MRTFB: variants seen among roughly 807,000 people sequenced by gnomAD.
MRTFB encodes the protein myocardin-related transcription factor B.
In MRTFB, 29 loss-of-function variants were observed where a neutral mutation model predicts 104.2. That is an observed-to-expected ratio of 0.28 (90% confidence interval 0.21 to 0.38). The LOEUF (loss-of-function observed/expected upper bound fraction) is 0.38, where lower values mean the gene tolerates loss of function less well. Ranked by LOEUF, MRTFB falls within the 10% of genes least tolerant of loss-of-function variation. The probability of loss-of-function intolerance (pLI) is 1.00; values close to 1 mark genes in which losing one functional copy is unlikely to be tolerated. For missense variants in MRTFB, 1,270 were observed against 1,341.6 expected (o/e 0.95, Z 0.83); for synonymous variants, 535 against 519.5 (o/e 1.03, Z -0.41).
chr16:14,189,467 T>C (rs1013201394), intron 3 of MRTFB, among the ~76,000 whole-genome samples: 14 of 152,248 alleles, frequency 9.2e-5, no homozygotes, highest in Non-Finnish European at 2.1e-4. Flanking sequence ...AATGTTTTAC[T>C]CTAAAATACC....
intron 8 of MRTFB, among the ~76,000 whole-genome samples, chr16:14,233,469 C>G (rs1249500570): frequency 6.6e-6 from 1 of 151,958 alleles, no homozygotes; most frequent in African/African-American, 2.4e-5. Flanking sequence ...GTCAGCATGA[C>G]CTGTATAGCA....
chr16:14,057,095 C>T, the MRTFB span, among the ~76,000 whole-genome samples: 1 of 152,136 alleles, frequency 6.6e-6, no homozygotes, highest in Non-Finnish European at 1.5e-5. Flanking sequence ...ACATCACGGT[C>T]CTTCCTACTG....
At chr16:14,200,308 G>A (rs900461779) in intron 3 of MRTFB, 2 of 1,605,356 alleles carry the variant, frequency 1.2e-6, no homozygotes, top group Non-Finnish European at 1.7e-6. Context: ...GGACCCGTAC[G>A]CTGCTGCGCT....
chr16:14,199,819 G>C (rs958904095), intron 3 of MRTFB, among the ~76,000 whole-genome samples: 1 of 152,146 alleles, frequency 6.6e-6, no homozygotes, highest in African/African-American at 2.4e-5. Flanking sequence ...TGAAAACCAC[G>C]GTAAATATTT....
At chr16:14,256,543 A>T (rs1409398388) in intron 15 of MRTFB, among the ~76,000 whole-genome samples, 1 of 152,190 alleles carries the variant, frequency 6.6e-6, no homozygotes, top group African/African-American at 2.4e-5. Context: ...GCCAGCTGTC[A>T]TGCCATGTGG....
intron 3 of MRTFB, among the ~76,000 whole-genome samples, chr16:14,168,169 T>C (rs1338204868): frequency 6.6e-6 from 1 of 152,126 alleles, no homozygotes; most frequent in Admixed American, 6.5e-5. Flanking sequence ...TACTTCTGAG[T>C]TCTGTATTCT....
chr16:14,246,602 G>A lies in MRTFB; in HGVS notation c.1342G>A (p.Ala448Thr), dbSNP rs2043025657. ...CGGCCTTGCTGCTGGGGGCATCGTG[G>A]CAGTGTCATCATCAGCCATTGTCAC... Reference protein sequence around the residue: ...SSGLAAGGIVAVSSSAIVTSN... With the variant: ...SSGLAAGGIVTVSSSAIVTSN... The change falls in exon 12 of 17, where the codon GCA becomes ACA. Residue 448 changes from alanine to threonine, a missense_variant. By Grantham distance (58) the Ala-to-Thr change is moderately conservative (BLOSUM62 0). Coordinates refer to ENST00000571589, the MANE Select transcript of MRTFB (RefSeq NM_001308142.2). 1 of 1,614,096 alleles carries A rather than the reference G, an allele frequency of 6.2e-7. No individual in the cohort carries two copies.
chr16:14,046,908 C>T, the MRTFB span, among the ~76,000 whole-genome samples: 1 of 152,190 alleles, frequency 6.6e-6, no homozygotes, highest in Non-Finnish European at 1.5e-5. Flanking sequence ...TACATATTGA[C>T]TCATTTAATC....
intron 2 of MRTFB, among the ~76,000 whole-genome samples, chr16:14,136,260 C>T (rs543415320): frequency 6.6e-6 from 1 of 151,088 alleles, no homozygotes; most frequent in South Asian, 2.1e-4. Flanking sequence ...GGTGACAGAG[C>T]GAGACTCTGT....
At chr16:14,124,187 A>C (rs955356553) in intron 2 of MRTFB, among the ~76,000 whole-genome samples, 1 of 152,182 alleles carries the variant, frequency 6.6e-6, no homozygotes, top group Non-Finnish European at 1.5e-5. Context: ...GGTTTTCTAA[A>C]TATATAATCA....
In MRTFB at chr16:14,232,287, C is replaced by G. The variant is rs531146897; in HGVS notation, c.694-1859C>G. ...AGGAATGTTTTCCCCTCTGTGAACA[C>G]TGACCCAGAGATAAGTATCCCCATT... On this transcript the variant is annotated intron_variant, in intron 8 of 16. Transcript: ENST00000571589. Among the ~76,000 whole-genome samples, 3 of 152,294 alleles carry G rather than the reference C, an allele frequency of 2.0e-5. No homozygotes were observed. In the East Asian group the frequency reaches 5.8e-4, roughly 29 times the overall value.
At chr16:14,231,016 A>G (rs1425519449) in intron 8 of MRTFB, among the ~76,000 whole-genome samples, 1 of 151,954 alleles carries the variant, frequency 6.6e-6, no homozygotes, top group African/African-American at 2.4e-5. Context: ...CATCATTCTC[A>G]GTAAACTATC....
intron 3 of MRTFB, among the ~76,000 whole-genome samples, chr16:14,197,557 A>C (rs1424625160): frequency 2.0e-5 from 3 of 152,210 alleles, no homozygotes; most frequent in African/African-American, 4.8e-5. Context: ...TTATTCTTAA[A>C]TGTGACATTG....
At chr16:14,171,913 A>G (rs1362659925) in intron 3 of MRTFB, among the ~76,000 whole-genome samples, 3 of 152,184 alleles carry the variant, frequency 2.0e-5, no homozygotes, top group African/African-American at 7.2e-5. Flanking sequence ...CAAAATCTGT[A>G]TTCAAAAGTT....
At chr16:14,120,991 T>C (rs149844927) in intron 2 of MRTFB, among the ~76,000 whole-genome samples, 1 of 152,300 alleles carries the variant, frequency 6.6e-6, no homozygotes, top group African/African-American at 2.4e-5. Flanking sequence ...GCATTCCACA[T>C]AAACTCATAT....
At chr16:14,101,611 T>G (rs2035705406) in intron 2 of MRTFB, among the ~76,000 whole-genome samples, 1 of 152,172 alleles carries the variant, frequency 6.6e-6, no homozygotes, top group Non-Finnish European at 1.5e-5. Context: ...ATTAACACTG[T>G]TTGTGGTGGT....
chr16:14,061,611 G>A, the MRTFB span, among the ~76,000 whole-genome samples: 2 of 147,540 alleles, frequency 1.4e-5, no homozygotes, highest in Non-Finnish European at 3.0e-5. Context: ...GATAGTGCAG[G>A]GCACTCAATC....
intron 2 of MRTFB, among the ~76,000 whole-genome samples, chr16:14,125,836 G>C (rs1413125295): frequency 6.6e-6 from 1 of 152,116 alleles, no homozygotes; most frequent in Non-Finnish European, 1.5e-5. Context: ...GGACAGTGAT[G>C]TATTTATAGG....
chr16:14,140,850 G>C, intron 3 of MRTFB, 90 bp downstream of exon 3: 1 of 1,511,990 alleles, frequency 6.6e-7, no homozygotes, highest in Non-Finnish European at 9.1e-7. Context: ...TAATATTTTG[G>C]TCAGTTCAGC....
Sources: allele counts gnomAD v4.1 joint callset (sites outside exome capture counted in the v4.1 genomes callset), GRCh38; gene constraint gnomAD v4.1.1; transcripts MANE v1.5; gene names NCBI Gene and HGNC (gene_info 2026-07-23, HGNC 2026-07-21).